The following CHD6 variants were observed in gnomAD, a reference collection of about 807,000 sequenced individuals.
The protein encoded by CHD6 is chromodomain helicase DNA binding protein 6.
In CHD6, 50 loss-of-function variants were observed where a neutral mutation model predicts 276.9. That is an observed-to-expected ratio of 0.18 (90% CI 0.14 to 0.23). The LOEUF (loss-of-function observed/expected upper bound fraction) is 0.23. Among genes scored for constraint, CHD6 ranks in the 10% least tolerant of loss-of-function variants. CHD6 has a pLI of 1.00. For missense variants in CHD6, 2,564 were observed against 3,365.8 expected (o/e 0.76, Z 5.89); for synonymous variants, 1,173 against 1,229.3 (o/e 0.95, Z 0.96).
At position 41,495,784 on chromosome 20, in the gene CHD6, A is replaced by G. The variant is rs574332682; in HGVS notation, c.1092+1600T>C. On this transcript the variant is annotated intron_variant, in intron 8 of 36. Coordinates refer to ENST00000373233, the MANE Select transcript of CHD6 (RefSeq NM_032221.5). ...CAATTATACTCCAATAAAGCTTAAA[A>G]CGGCAAGAAAACTATCATCTAATCC... Among the ~76,000 whole-genome samples the G allele has an allele frequency of 2.0e-5, 3 of 152,362 alleles. No homozygotes were observed. The East Asian group carries it at 5.8e-4, about 29-fold the overall frequency.
intron 1 of CHD6, among the ~76,000 whole-genome samples, chr20:41,589,684 G>C (rs1317761102): frequency 6.6e-6 from 1 of 152,138 alleles, no homozygotes; most frequent in Non-Finnish European, 1.5e-5. Context: ...CCTCTTCAAG[G>C]AGAACTACAA....
chr20:41,479,263 G>T (rs2043239002), intron 16 of CHD6, among the ~76,000 whole-genome samples: 2 of 152,076 alleles, frequency 1.3e-5, no homozygotes, highest in East Asian at 1.9e-4. Context: ...AAACAAAAAA[G>T]AAATTGAAGA....
chr20:41,502,916 G>A lies in CHD6; in HGVS notation c.853-3559C>T, dbSNP rs1270060028. ...AGCTATTTGGGAGGCTGAGACAGGA[G>A]AATCACTTGAACCTGGGAGGTGGAG... is the stretch of plus-strand genomic sequence containing the variant. On this transcript the variant is annotated intron_variant, in intron 5 of 36. Coordinates refer to ENST00000373233, the MANE Select transcript of CHD6 (RefSeq NM_032221.5). 3.9e-5 allele frequency among the ~76,000 whole-genome samples: 6 copies of A among 152,206 alleles called. 1 individual carries two copies. The highest frequency in any genetic ancestry group is 3.3e-4 in the Admixed American group (5 of 15,280).
intron 5 of CHD6, among the ~76,000 whole-genome samples, chr20:41,503,105 G>C (rs1269472467): frequency 6.6e-6 from 1 of 152,198 alleles, no homozygotes; most frequent in Admixed American, 6.5e-5. Flanking sequence ...TTTTAGCATA[G>C]ACGGCTTGTG....
At chr20:41,455,443 G>GCTTCCACT (rs1252564496) in intron 19 of CHD6, among the ~76,000 whole-genome samples, 1 of 152,204 alleles carries the variant, frequency 6.6e-6, no homozygotes, top group Non-Finnish European at 1.5e-5. Flanking sequence ...GTTCACTGGA[G>GCTTCCACT]CTTCCACTCT....
At chr20:41,419,898 T>TTAG (rs1348803228) in intron 31 of CHD6, among the ~76,000 whole-genome samples, 3 of 152,252 alleles carry the variant, frequency 2.0e-5, no homozygotes, top group African/African-American at 7.2e-5. Context: ...TTGAAATTCC[T>TTAG]TCTAGCTTAA....
At chr20:41,486,302 G>T (rs2043413480) in intron 14 of CHD6, 1 of 152,176 alleles carries the variant, frequency 6.6e-6, no homozygotes, top group South Asian at 2.1e-4. Context: ...CACAACTTGG[G>T]AGAAGATGTG....
In CHD6 at chr20:41,419,554, C is replaced by CAAAAAAAA. The variant is rs58696183; in HGVS notation, c.6127+946_6127+953dup. Among the ~76,000 whole-genome samples, 18 of 23,468 alleles carry CAAAAAAAA rather than the reference C, an allele frequency of 7.7e-4. 4 individuals carry two copies. Among genetic ancestry groups the CAAAAAAAA allele is most frequent in the African/African-American group, 9.6e-4 (6 of 6,282 alleles). 15.4% of individuals were successfully genotyped at this position (23,468 alleles called of 152,430 possible). ...TGGGTGACAGAGCAAGACTCTGTCT[C>CAAAAAAAA]AAAAAAAAAAAAAAAAAAAAAAAAA... is the stretch of plus-strand genomic sequence containing the variant. On this transcript the variant is annotated intron_variant, in intron 31 of 36. Coordinates refer to ENST00000373233, the MANE Select transcript of CHD6 (RefSeq NM_032221.5).
intron 1 of CHD6, among the ~76,000 whole-genome samples, chr20:41,581,239 G>A (rs574593897): frequency 5.9e-5 from 9 of 152,242 alleles, no homozygotes; most frequent in African/African-American, 1.9e-4. Context: ...GTATAGATGA[G>A]GACATTGAAG....
intron 16 of CHD6, chr20:41,482,581 T>A (rs772896463): frequency 2.0e-6 from 1 of 506,680 alleles, no homozygotes; most frequent in Admixed American, 2.0e-5. Context: ...CCAGTTTCTA[T>A]GATCTTGAAA....
chr20:41,518,184 T>G (rs1175492337), intron 3 of CHD6, among the ~76,000 whole-genome samples: 1 of 152,254 alleles, frequency 6.6e-6, no homozygotes, highest in African/African-American at 2.4e-5. Flanking sequence ...TTTCCAGCAT[T>G]TGAAATCAAT....
intron 26 of CHD6, among the ~76,000 whole-genome samples, chr20:41,439,731 G>C (rs1230263040): frequency 3.9e-5 from 6 of 152,198 alleles, no homozygotes; most frequent in Admixed American, 3.9e-4. Context: ...TAGAAAGCTG[G>C]GCAGGCTTTT....
chr20:41,425,321 C>G lies in CHD6; in HGVS notation c.4203G>C (p.Leu1401=), dbSNP rs376862030. 49 of 1,614,028 alleles carry G rather than the reference C, an allele frequency of 3.0e-5. No homozygotes were observed. Among genetic ancestry groups the G allele is most frequent in the Non-Finnish European group, 3.8e-5 (45 of 1,180,034 alleles). ...SSALTARLRR[L]VTVYQRCNRK... is the part of the protein sequence containing the mutation. ...GGTTGCAGCGCTGGTAAACAGTGACCAGACGTCTGAGACGAGCTGTGAGGG... is the reference window on the plus strand; with the variant it reads ...GGTTGCAGCGCTGGTAAACAGTGACGAGACGTCTGAGACGAGCTGTGAGGG... Residue 1401 remains leucine (L), a synonymous_variant, in exon 29 of 37, where the codon CTG becomes CTC. Transcript: ENST00000373233.
At chr20:41,582,511 T>C (rs2045551410) in intron 1 of CHD6, among the ~76,000 whole-genome samples, 1 of 152,168 alleles carries the variant, frequency 6.6e-6, no homozygotes, top group African/African-American at 2.4e-5. Flanking sequence ...AATGTAACAG[T>C]AGTAGTCTCA....
Position 41,473,044 on chromosome 20 carries a change from C to T in CHD6, c.2664+278G>A. 3.0e-6 allele frequency: 1 copy of T among 334,336 alleles called. No individual in the cohort carries two copies. 20.7% of individuals were successfully genotyped at this position (334,336 alleles called of 1,614,324 possible). ...TTAGTCAAGATTAGTATCTTTATTTCTGATAATAATAATAATTAGTAGTTC... is the reference window on the plus strand; with the variant it reads ...TTAGTCAAGATTAGTATCTTTATTTTTGATAATAATAATAATTAGTAGTTC... On this transcript the variant is annotated intron_variant, in intron 17 of 36. Coordinates refer to ENST00000373233, the MANE Select transcript of CHD6 (RefSeq NM_032221.5). The surrounding 1 kb of genome is among the most constrained non-coding windows in gnomAD (Gnocchi z 4.1).
intron 17 of CHD6, among the ~76,000 whole-genome samples, chr20:41,459,681 C>G (rs568196907): frequency 2.6e-5 from 4 of 152,206 alleles, no homozygotes; most frequent in South Asian, 2.1e-4. Flanking sequence ...AACAGCCTTT[C>G]GCCTCTTGCC....
intron 27 of CHD6, among the ~76,000 whole-genome samples, chr20:41,434,309 C>G (rs2145560304): frequency 6.6e-6 from 1 of 152,328 alleles, no homozygotes. Flanking sequence ...AGAAAATTAT[C>G]AGAGTCAAGA....
chr20:41,588,487 C>T (rs542030913), intron 1 of CHD6, among the ~76,000 whole-genome samples: 74 of 152,236 alleles, frequency 4.9e-4, no homozygotes, highest in South Asian at 4.3e-3. Flanking sequence ...GTCTTGTCCA[C>T]TAACATCCCA....
intron 27 of CHD6, among the ~76,000 whole-genome samples, chr20:41,436,932 C>T (rs1283535999): frequency 6.6e-6 from 1 of 152,166 alleles, no homozygotes; most frequent in Non-Finnish European, 1.5e-5. Flanking sequence ...TGAGAATGTC[C>T]TGTATCTTGA....
Sources: gnomAD v4.1 joint callset for allele counts (sites outside exome capture counted in the v4.1 genomes callset) on GRCh38, gnomAD v4.1.1 for gene constraint, Gnocchi (gnomAD v3.1) non-coding constraint, MANE v1.5 for transcripts, NCBI Gene and HGNC (gene_info 2026-07-23, HGNC 2026-07-21) for gene names.